The following CTNNA2 variants were observed in gnomAD, a reference collection of about 807,000 sequenced individuals.
CTNNA2 encodes catenin alpha 2.
Under a neutral mutation model 101.0 loss-of-function variants are expected in CTNNA2, and 42 were observed. The observed-to-expected ratio is 0.42, with a 90% CI of 0.32 to 0.54. The LOEUF is 0.54. Among genes scored for constraint, CTNNA2 ranks in the 20% least tolerant of loss-of-function variants. CTNNA2 has a pLI of 0.14. For synonymous variants in CTNNA2, 450 were observed against 456.4 expected (o/e 0.99, Z 0.18); for missense variants, 871 against 1,223.1 (o/e 0.71, Z 4.29).
intron 7 of CTNNA2, among the ~76,000 whole-genome samples, chr2:80,227,187 T>C (rs1708936173): frequency 6.6e-6 from 1 of 152,202 alleles, no homozygotes; most frequent in South Asian, 2.1e-4. Context: ...TAGTGTATTT[T>C]TGCCACTGTG....
chr2:79,775,461 C>A (rs1673890053), intron 3 of CTNNA2, among the ~76,000 whole-genome samples: 1 of 152,054 alleles, frequency 6.6e-6, no homozygotes, highest in African/African-American at 2.4e-5. Context: ...TAAGTTAAAG[C>A]ATTTTTTAAA....
At chr2:80,051,950 G>A (rs949604274) in intron 7 of CTNNA2, among the ~76,000 whole-genome samples, 11 of 152,100 alleles carry the variant, frequency 7.2e-5, no homozygotes, top group East Asian at 1.9e-4. Flanking sequence ...TGCAGTGCCC[G>A]TTTCCCCTAA....
chr2:79,917,438 C>G (rs1343697738), intron 7 of CTNNA2, among the ~76,000 whole-genome samples: 1 of 152,086 alleles, frequency 6.6e-6, no homozygotes, highest in East Asian at 1.9e-4. Flanking sequence ...CCAATCCTTT[C>G]TCTGAGGTGA....
intron 7 of CTNNA2, among the ~76,000 whole-genome samples, chr2:79,972,707 A>T (rs1016446766): frequency 6.6e-6 from 1 of 152,228 alleles, no homozygotes; most frequent in Non-Finnish European, 1.5e-5. Flanking sequence ...GCAGCAGGGC[A>T]TCCATTTAGG....
chr2:79,353,874 TC>T (rs1677447845), intron 3 of CTNNA2, among the ~76,000 whole-genome samples: 1 of 152,186 alleles, frequency 6.6e-6, no homozygotes, highest in South Asian at 2.1e-4. Flanking sequence ...GGTCATGAAT[TC>T]CCTTAGTGTT....
At chr2:79,279,017 G>A (rs1675290826) in intron 2 of CTNNA2, among the ~76,000 whole-genome samples, 2 of 152,114 alleles carry the variant, frequency 1.3e-5, no homozygotes, top group African/African-American at 4.8e-5. Flanking sequence ...GGGAGATGAT[G>A]TGCAGATAAT....
rs893635327 is a variant in CTNNA2, at chr2:79,542,979, A to G, written c.-6+29772A>G. Among the ~76,000 whole-genome samples the G allele has an allele frequency of 2.6e-5, 4 of 152,140 alleles. No individual in the cohort carries two copies. The South Asian group carries it at 6.2e-4, about 24-fold the overall frequency. On this transcript the variant is annotated intron_variant, in intron 1 of 18. Coordinates refer to ENST00000402739, the MANE Select transcript of CTNNA2 (RefSeq NM_001282597.3). ...TAATAGTTTGTTTGCATTTTCTACCATTTTAAAAACAACTCATGTGTTTTT... is the reference window on the plus strand; with the variant it reads ...TAATAGTTTGTTTGCATTTTCTACCGTTTTAAAAACAACTCATGTGTTTTT...
At chr2:80,090,162 G>C (rs879790840) in intron 7 of CTNNA2, among the ~76,000 whole-genome samples, 2,170 of 88,742 alleles carry the variant, frequency 0.024, 19 homozygotes, top group Middle Eastern at 0.037. Flanking sequence ...GTGTGTGTGT[G>C]TGTGTGTGTG....
chr2:80,547,395 A>G (rs949025562), intron 11 of CTNNA2, among the ~76,000 whole-genome samples: 1 of 152,170 alleles, frequency 6.6e-6, no homozygotes, highest in Non-Finnish European at 1.5e-5. Context: ...TTGAGAGGGT[A>G]GGTAACTTGG....
intron 7 of CTNNA2, among the ~76,000 whole-genome samples, chr2:79,981,693 A>AT (rs1691282727): frequency 2.0e-5 from 3 of 152,134 alleles, no homozygotes; most frequent in Admixed American, 1.3e-4. Flanking sequence ...ATGTAAAGCA[A>AT]TTTTATCGAG....
chr2:80,376,246 A>T (rs1437049597), intron 7 of CTNNA2, among the ~76,000 whole-genome samples: 1 of 151,856 alleles, frequency 6.6e-6, no homozygotes, highest in Non-Finnish European at 1.5e-5. Context: ...GTTTTATTTA[A>T]CTCTTTAAGT....
At chr2:79,486,486 T>G (rs943843440) in intron 4 of CTNNA2, among the ~76,000 whole-genome samples, 3 of 152,202 alleles carry the variant, frequency 2.0e-5, no homozygotes, top group Non-Finnish European at 4.4e-5. Context: ...GTTGGACATT[T>G]GGGTTGGTTC....
chr2:80,354,379 C>T (rs950266167), intron 7 of CTNNA2, among the ~76,000 whole-genome samples: 2 of 151,980 alleles, frequency 1.3e-5, no homozygotes, highest in Non-Finnish European at 2.9e-5. Flanking sequence ...TTGTCCAATG[C>T]CATCATAACC....
chr2:79,740,786 C>A (rs140961485), intron 2 of CTNNA2, among the ~76,000 whole-genome samples: 20 of 152,054 alleles, frequency 1.3e-4, no homozygotes, highest in Non-Finnish European at 2.5e-4. Context: ...AGCACAACAA[C>A]AATTCAGCCT....
chr2:79,931,140 C>T (rs1306647480), intron 7 of CTNNA2, among the ~76,000 whole-genome samples: 2 of 152,226 alleles, frequency 1.3e-5, no homozygotes, highest in East Asian at 3.9e-4. Flanking sequence ...CTGCAATATG[C>T]ATTAATATCC....
At position 80,581,726 on chromosome 2, in the gene CTNNA2, T is replaced by C. The variant is rs200688682; in HGVS notation, c.1914T>C (p.Asp638=). 6.8e-5 allele frequency: 110 copies of C among 1,611,452 alleles called. No homozygotes were observed. The African/African-American group carries it at 1.3e-3, about 19-fold the overall frequency. ...TTTAGACCCCAGAAGAACTAGAGGA[T>C]GATTCTGACTTTGAGCAGGAAGATT... is the stretch of plus-strand genomic sequence containing the variant. ...LMIRTPEELE[D]DSDFEQEDYD... is the part of the protein sequence containing the mutation. Residue 638 remains aspartate (D), a synonymous_variant, in exon 14 of 19, where the codon GAT becomes GAC. Coordinates refer to ENST00000402739, the MANE Select transcript of CTNNA2 (RefSeq NM_001282597.3).
At position 80,444,389 on chromosome 2, in the gene CTNNA2, A is replaced by G. The variant is rs192407272; in HGVS notation, c.1290+24788A>G. On this transcript the variant is annotated intron_variant, in intron 9 of 18. Coordinates refer to ENST00000402739, the MANE Select transcript of CTNNA2 (RefSeq NM_001282597.3). Reference sequence around the variant, plus strand: ...GAAGACAATATAAAAAATTATCCCTACCAAGAGGAGGCTGCTACTGAGGAA... The same window carrying G: ...GAAGACAATATAAAAAATTATCCCTGCCAAGAGGAGGCTGCTACTGAGGAA... 2.5e-4 allele frequency among the ~76,000 whole-genome samples: 38 copies of G among 152,316 alleles called. No individual in the cohort carries two copies. The East Asian group carries it at 6.8e-3, about 27-fold the overall frequency.
At chr2:79,516,407 C>T (rs1223087611) in intron 1 of CTNNA2, among the ~76,000 whole-genome samples, 1 of 152,076 alleles carries the variant, frequency 6.6e-6, no homozygotes, top group Non-Finnish European at 1.5e-5. Flanking sequence ...TTGGTAGTAG[C>T]ACTGGAGCTT....
intron 1 of CTNNA2, among the ~76,000 whole-genome samples, chr2:79,622,598 C>A (rs1173911625): frequency 2.0e-5 from 3 of 152,042 alleles, no homozygotes; most frequent in Non-Finnish European, 4.4e-5. Context: ...GCTTGATAAC[C>A]CCACTTCACA....
Sources: allele counts gnomAD v4.1 joint callset (sites outside exome capture counted in the v4.1 genomes callset), GRCh38; gene constraint gnomAD v4.1.1; transcripts MANE v1.5; gene names NCBI Gene and HGNC (gene_info 2026-07-23, HGNC 2026-07-21).